The following MED15 variants were observed in gnomAD, a reference collection of about 807,000 sequenced individuals.
MED15 encodes the protein mediator complex subunit 15, also known as mediator of RNA polymerase II transcription subunit 15.
Under a neutral mutation model 118.7 loss-of-function variants are expected in MED15, and 41 were observed. The ratio of observed to expected loss-of-function variants is 0.35; its 90% CI spans 0.27 to 0.45. The LOEUF (loss-of-function observed/expected upper bound fraction) is 0.45, where lower values mean the gene tolerates loss of function less well. MED15 is among the 20% of genes least tolerant of loss of function. The probability of loss-of-function intolerance (pLI) is 1.00; values close to 1 mark genes in which losing one functional copy is unlikely to be tolerated. For missense variants in MED15, 740 were observed against 1,025.5 expected (o/e 0.72, Z 3.80); for synonymous variants, 436 against 413.9 (o/e 1.05, Z -0.65).
At chr22:20,508,569 ATTG>A (rs2053955588) in intron 1 of MED15, 1 of 411,920 alleles carries the variant, frequency 2.4e-6, no homozygotes, top group Non-Finnish European at 4.3e-6. Context: ...AAATTAGTCA[ATTG>A]TTCTCTGGTG....
rs1265080135 is a variant in MED15 at position 20,587,408 on chromosome 22, C to T, written c.*704C>T. 4 of 167,740 alleles carry T rather than the reference C, an allele frequency of 2.4e-5. No individual in the cohort carries two copies. Among genetic ancestry groups the T allele is most frequent in the Admixed American group, 5.9e-5 (1 of 17,092 alleles). The allele number at this position is 167,740 out of a possible 1,614,324, so 10.4% of individuals were successfully genotyped here. A position where few individuals can be genotyped will look rare whatever the true frequency, so the allele number is the denominator to read the frequency against. On this transcript the variant is annotated 3_prime_UTR_variant, in exon 18 of 18. Transcript: ENST00000263205. ...TGTCCCCACTGTGAAGGATGAAGAG[C>T]AAGGCCCTCAGGACCCGTGTCCTCA...
rs1425298252 is a variant in MED15, at chr22:20,511,995, T to TTTTTTTC, written c.68+4255_68+4256insCTTTTTT. ...CTTCTTGAACATTCTAAGCTTTTTT[T>TTTTTTTC]TTTTTTTTTTGGAGACAAGATCTTG... On this transcript the variant is annotated intron_variant, in intron 1 of 17. Coordinates refer to ENST00000263205, the MANE Select transcript of MED15 (RefSeq NM_001003891.3). Among the ~76,000 whole-genome samples the TTTTTTTC allele has an allele frequency of 2.1e-5, 3 of 142,662 alleles. 1 individual carries two copies. The highest frequency in any genetic ancestry group is 8.1e-5 in the African/African-American group (3 of 37,118). The allele number at this position is 142,662 out of a possible 152,430, so 93.6% of individuals were successfully genotyped here.
intron 1 of MED15, among the ~76,000 whole-genome samples, chr22:20,530,017 C>T (rs2054798190): frequency 6.6e-6 from 1 of 152,202 alleles, no homozygotes; most frequent in Non-Finnish European, 1.5e-5. Flanking sequence ...AACCACCACA[C>T]CTAGTCCAAA....
At chr22:20,523,880 T>G in intron 1 of MED15, 1 of 977,042 alleles carries the variant, frequency 1.0e-6, no homozygotes, top group East Asian at 1.1e-4. Flanking sequence ...TGATCTTGTT[T>G]ACTGGGAGTT....
intron 1 of MED15, among the ~76,000 whole-genome samples, chr22:20,527,849 C>T (rs1358587801): frequency 4.0e-5 from 6 of 150,812 alleles, no homozygotes; most frequent in Non-Finnish European, 7.4e-5. Context: ...CCCAGCTACT[C>T]GGGAGGCTGA....
At chr22:20,556,054 C>T (rs1417061514) in intron 5 of MED15, among the ~76,000 whole-genome samples, 3 of 152,130 alleles carry the variant, frequency 2.0e-5, no homozygotes, top group Non-Finnish European at 4.4e-5. Context: ...CCTTGAGTCC[C>T]ATCAACATTT....
At chr22:20,517,992 A>T (rs1427641622) in intron 1 of MED15, among the ~76,000 whole-genome samples, 1 of 148,702 alleles carries the variant, frequency 6.7e-6, no homozygotes, top group Non-Finnish European at 1.5e-5. Context: ...TTGTCTCAGG[A>T]GTGGGATTTG....
At chr22:20,535,382 C>G (rs979048328) in intron 1 of MED15, among the ~76,000 whole-genome samples, 2 of 152,168 alleles carry the variant, frequency 1.3e-5, no homozygotes, top group Non-Finnish European at 2.9e-5. Flanking sequence ...TTAAGAATCA[C>G]AGTCATATTG....
At chr22:20,560,608 C>G (rs576627433) in intron 5 of MED15, among the ~76,000 whole-genome samples, 3 of 152,250 alleles carry the variant, frequency 2.0e-5, no homozygotes, top group Non-Finnish European at 2.9e-5. Flanking sequence ...GTTGCCCAGG[C>G]TGGTCTTGAA....
chr22:20,564,198 C>G (rs139360903), intron 5 of MED15, among the ~76,000 whole-genome samples: 23 of 152,278 alleles, frequency 1.5e-4, no homozygotes, highest in African/African-American at 5.5e-4. Flanking sequence ...TCTTATTTAT[C>G]CAAAAGACTT....
chr22:20,587,065 C>T lies in MED15; in HGVS notation c.*361C>T, dbSNP rs189593474. 9.6e-6 allele frequency: 3 copies of T among 312,140 alleles called. No individual in the cohort carries two copies. In the Admixed American group the frequency reaches 1.2e-4, roughly 13 times the overall value. The allele number at this position is 312,140 out of a possible 1,614,324, so 19.3% of individuals were successfully genotyped here. A position where few individuals can be genotyped will look rare whatever the true frequency, so the allele number is the denominator to read the frequency against. Reference sequence around the variant, plus strand: ...GTGTTGTTAGAGCGTCTCGTGTGTGCTAGACGCACCCCTACTCGTTCCTAT... The same window carrying T: ...GTGTTGTTAGAGCGTCTCGTGTGTGTTAGACGCACCCCTACTCGTTCCTAT... On this transcript the variant is annotated 3_prime_UTR_variant, in exon 18 of 18. Coordinates refer to ENST00000263205, the MANE Select transcript of MED15 (RefSeq NM_001003891.3).
At chr22:20,585,897 A>C in intron 17 of MED15, 71 bp downstream of exon 17, 1 of 1,444,150 alleles carries the variant, frequency 6.9e-7, no homozygotes, top group Non-Finnish European at 9.6e-7. Flanking sequence ...CCAGGCTTCC[A>C]CTGCAGCAGG....
At chr22:20,517,810 A>G (rs989961372) in intron 1 of MED15, among the ~76,000 whole-genome samples, 2 of 152,136 alleles carry the variant, frequency 1.3e-5, no homozygotes, top group Non-Finnish European at 2.9e-5. Context: ...CCACAGGAAG[A>G]TGCAACCAGT....
chr22:20,557,834 C>T (rs943141040), intron 5 of MED15, among the ~76,000 whole-genome samples: 2 of 152,172 alleles, frequency 1.3e-5, no homozygotes, highest in Non-Finnish European at 2.9e-5. Flanking sequence ...GGGCTGGGCA[C>T]GGTGGCTCAC....
intron 8 of MED15, among the ~76,000 whole-genome samples, chr22:20,569,722 A>T (rs1601609956): frequency 6.6e-6 from 1 of 152,194 alleles, no homozygotes; most frequent in Non-Finnish European, 1.5e-5. Context: ...CAGGGTCCCC[A>T]TGTCACATTC....
At chr22:20,561,379 G>A (rs2056234504) in intron 5 of MED15, among the ~76,000 whole-genome samples, 1 of 152,042 alleles carries the variant, frequency 6.6e-6, no homozygotes, top group Admixed American at 6.6e-5. Flanking sequence ...AGTTAGCTGG[G>A]CATGGTGGCG....
intron 1 of MED15, among the ~76,000 whole-genome samples, chr22:20,527,034 T>C (rs886364996): frequency 6.6e-6 from 1 of 152,212 alleles, no homozygotes; most frequent in Non-Finnish European, 1.5e-5. Context: ...AAAATGATGT[T>C]ACACTGCGCT....
chr22:20,532,428 T>G (rs1432316723), intron 1 of MED15, among the ~76,000 whole-genome samples: 1 of 152,118 alleles, frequency 6.6e-6, no homozygotes, highest in Non-Finnish European at 1.5e-5. Flanking sequence ...CTCAGACCCC[T>G]TAGTGGGGGA....
chr22:20,536,378 T>C (rs1346017301), intron 1 of MED15, among the ~76,000 whole-genome samples: 2 of 151,964 alleles, frequency 1.3e-5, no homozygotes, highest in Non-Finnish European at 2.9e-5. Context: ...TGGGGCAGCA[T>C]GTGCTGCATT....
Sources: gnomAD v4.1 joint callset for allele counts (sites outside exome capture counted in the v4.1 genomes callset) on GRCh38, gnomAD v4.1.1 for gene constraint, MANE v1.5 for transcripts, NCBI Gene and HGNC (gene_info 2026-07-23, HGNC 2026-07-21) for gene names.